The following CMIP variants were observed in gnomAD, a reference collection of about 807,000 sequenced individuals.
The protein encoded by CMIP is C-Maf-inducing protein.
Under a neutral mutation model 97.3 loss-of-function variants are expected in CMIP, and 13 were observed. That is an observed-to-expected ratio of 0.13 (90% CI 0.09 to 0.21). The LOEUF (loss-of-function observed/expected upper bound fraction) is 0.21, where lower values mean the gene tolerates loss of function less well. Ranked by LOEUF, CMIP falls within the 10% of genes least tolerant of loss-of-function variation. The probability of loss-of-function intolerance (pLI) is 1.00; values close to 1 mark genes in which losing one functional copy is unlikely to be tolerated. For synonymous variants in CMIP, 538 were observed against 436.3 expected (o/e 1.23, Z -2.91); for missense variants, 847 against 1,024.9 (o/e 0.83, Z 2.37).
intron 1 of CMIP, among the ~76,000 whole-genome samples, chr16:81,569,408 T>C (rs940978024): frequency 3.9e-5 from 6 of 152,212 alleles, no homozygotes; most frequent in Non-Finnish European, 7.3e-5. Context: ...GCTCTCCTTT[T>C]TTGCTTATTT....
At chr16:81,534,777 C>G (rs970064634) in intron 1 of CMIP, among the ~76,000 whole-genome samples, 3 of 152,228 alleles carry the variant, frequency 2.0e-5, no homozygotes, top group South Asian at 2.1e-4. Context: ...AATGGATTGT[C>G]TGTTATCATT....
At chr16:81,654,862 C>G (rs2092465903) in intron 4 of CMIP, among the ~76,000 whole-genome samples, 1 of 150,670 alleles carries the variant, frequency 6.6e-6, no homozygotes, top group African/African-American at 2.5e-5. Flanking sequence ...GACTTTCTGG[C>G]AAGTATGTAA....
chr16:81,700,773 G>A (rs1275795132), intron 15 of CMIP, among the ~76,000 whole-genome samples: 1 of 152,236 alleles, frequency 6.6e-6, no homozygotes, highest in Non-Finnish European at 1.5e-5. Context: ...AGGGTGGCTG[G>A]AACACAGGGA....
At chr16:81,698,547 A>G (rs1907028165) in intron 14 of CMIP, among the ~76,000 whole-genome samples, 1 of 152,150 alleles carries the variant, frequency 6.6e-6, no homozygotes, top group African/African-American at 2.4e-5. Flanking sequence ...CAGGAATTCA[A>G]AGGATCAACT....
At chr16:81,502,179 A>T (rs1027511391) in intron 1 of CMIP, among the ~76,000 whole-genome samples, 1 of 152,220 alleles carries the variant, frequency 6.6e-6, no homozygotes, top group Non-Finnish European at 1.5e-5. Flanking sequence ...GCTGGGCTTC[A>T]GACCATGGAG....
chr16:81,567,000 A>G (rs1202588390), intron 1 of CMIP, among the ~76,000 whole-genome samples: 1 of 152,248 alleles, frequency 6.6e-6, no homozygotes, highest in African/African-American at 2.4e-5. Context: ...GGGACATGAG[A>G]GAGCCTTCTA....
At chr16:81,596,891 G>A (rs2091566427) in intron 1 of CMIP, among the ~76,000 whole-genome samples, 1 of 152,238 alleles carries the variant, frequency 6.6e-6, no homozygotes, top group Non-Finnish European at 1.5e-5. Context: ...ATGGGTGGAA[G>A]CACATGGTGA....
Position 81,710,258 on chromosome 16 carries a change from C to T in CMIP, c.*459C>T, listed in dbSNP as rs1228306437. 1 of 203,562 alleles carries T rather than the reference C, an allele frequency of 4.9e-6. No individual in the cohort carries two copies. Among genetic ancestry groups the T allele is most frequent in the Admixed American group, 5.3e-5 (1 of 18,886 alleles). The allele number at this position is 203,562 out of a possible 1,614,324, so 12.6% of individuals were successfully genotyped here. A position where few individuals can be genotyped will look rare whatever the true frequency, so the allele number is the denominator to read the frequency against. ...CCCCCGCCCTTGGGACAAGAAGACC[C>T]AGTCACATCACTGCACCCGTCCTGT... On this transcript the variant is annotated 3_prime_UTR_variant, in exon 21 of 21. Transcript: ENST00000537098.
At chr16:81,455,704 G>A (rs1487428718) in intron 1 of CMIP, among the ~76,000 whole-genome samples, 2 of 152,204 alleles carry the variant, frequency 1.3e-5, no homozygotes, top group African/African-American at 4.8e-5. Context: ...GTGAAGAGTG[G>A]TGGTAATGGC....
intron 1 of CMIP, among the ~76,000 whole-genome samples, chr16:81,552,525 T>C (rs909835474): frequency 1.1e-4 from 16 of 152,176 alleles, no homozygotes; most frequent in African/African-American, 3.9e-4. Context: ...CCTGCATTCC[T>C]TGGCTTCTTG....
At chr16:81,455,760 A>T (rs1338743966) in intron 1 of CMIP, among the ~76,000 whole-genome samples, 1 of 152,090 alleles carries the variant, frequency 6.6e-6, no homozygotes, top group East Asian at 1.9e-4. Context: ...TGGGCTTTCC[A>T]CTAGAGACCC....
chr16:81,671,588 C>G (rs2092683402), intron 8 of CMIP, among the ~76,000 whole-genome samples: 1 of 152,214 alleles, frequency 6.6e-6, no homozygotes, highest in Admixed American at 6.5e-5. Context: ...CCACCATTTG[C>G]TAGGTCTCTC....
At chr16:81,649,800 A>G (rs1269649792) in intron 3 of CMIP, among the ~76,000 whole-genome samples, 3 of 151,974 alleles carry the variant, frequency 2.0e-5, no homozygotes, top group Non-Finnish European at 2.9e-5. Context: ...GGGGCTTGAT[A>G]TAGGGTGGAT....
At chr16:81,544,953 G>C (rs2090517629) in intron 1 of CMIP, among the ~76,000 whole-genome samples, 2 of 152,132 alleles carry the variant, frequency 1.3e-5, no homozygotes, top group South Asian at 4.1e-4. Flanking sequence ...AGAGAAGGCT[G>C]CCAAATTGGG....
intron 7 of CMIP, 185 bp downstream of exon 7, chr16:81,664,534 G>A (rs180871472): frequency 1.2e-4 from 66 of 546,018 alleles, no homozygotes; most frequent in Non-Finnish European, 1.8e-4. Context: ...CCTCCATTAC[G>A]GCAACAGGAA....
At chr16:81,495,435 A>G (rs1171590576) in intron 1 of CMIP, 2 of 1,608,692 alleles carry the variant, frequency 1.2e-6, no homozygotes, top group Non-Finnish European at 1.7e-6. Flanking sequence ...GTTTCCTGCG[A>G]GGAGGGAAGT....
At chr16:81,706,825 G>T (rs778283458) in intron 19 of CMIP, among the ~76,000 whole-genome samples, 189 bp from the exon 20 acceptor site, 2 of 152,150 alleles carry the variant, frequency 1.3e-5, no homozygotes, top group Admixed American at 6.5e-5. Context: ...AGACCAGCAC[G>T]TGCCTGAAAT....
chr16:81,480,990 C>G (rs1310574817), intron 1 of CMIP, among the ~76,000 whole-genome samples: 2 of 152,194 alleles, frequency 1.3e-5, no homozygotes, highest in Admixed American at 6.5e-5. Flanking sequence ...GTGAGAGCTG[C>G]TCTGCCCAGT....
rs1441820507 is a variant in CMIP at position 81,627,489 on chromosome 16, T to A, written c.477+6563T>A. ...CATGGTGGGAGCAGCTGGCTCGGCC[T>A]GTCTCCCTGGCAGCCCCTTCCAGCC... On this transcript the variant is annotated intron_variant, in intron 3 of 20. Transcript: ENST00000537098. This position sits in a 1 kb window ranked among gnomAD's most constrained non-coding sequence, Gnocchi z 4.6. Among the ~76,000 whole-genome samples the A allele has an allele frequency of 6.6e-6, 1 of 150,424 alleles. No individual in the cohort carries two copies. Among genetic ancestry groups the A allele is most frequent in the Non-Finnish European group, 1.5e-5 (1 of 67,410 alleles).
Sources: allele counts gnomAD v4.1 joint callset (sites outside exome capture counted in the v4.1 genomes callset), GRCh38; gene constraint gnomAD v4.1.1; non-coding constraint Gnocchi (gnomAD v3.1); transcripts MANE v1.5; gene names NCBI Gene and HGNC (gene_info 2026-07-23, HGNC 2026-07-21).